Variants in CHRD observed in about 807,000 individuals in gnomAD.
The protein encoded by CHRD is chordin.
Under a neutral mutation model 113.7 loss-of-function variants are expected in CHRD, and 69 were observed. The observed-to-expected ratio is 0.61, with a 90% CI of 0.50 to 0.74. The LOEUF (loss-of-function observed/expected upper bound fraction) is 0.74. CHRD is among the 30% of genes least tolerant of loss of function. The pLI is 0.00. For synonymous variants in CHRD, 561 were observed against 540.8 expected (o/e 1.04, Z -0.52); for missense variants, 1,194 against 1,295.8 (o/e 0.92, Z 1.21).
At position 184,386,956 on chromosome 3, in the gene CHRD, G is replaced by A. The variant is rs764352658; in HGVS notation, c.2290+18G>A. The stretch of plus-strand genomic sequence containing the variant: ...TTGCCCTGGTGAGTTCCCCGCAGGG[G>A]AGTGGAGGGAGGAGTTGGCCCAGTG... On this transcript the variant is annotated intron_variant, in intron 17 of 22. Coordinates refer to ENST00000204604, the Ensembl canonical transcript of CHRD. 4.5e-5 allele frequency: 73 copies of A among 1,614,108 alleles called. No individual in the cohort carries two copies. Among genetic ancestry groups the A allele is most frequent in the Non-Finnish European group, 6.1e-5 (72 of 1,180,034 alleles).
chr3:184,390,472 T>TG (rs1292405304), downstream of CHRD: 2 of 152,014 alleles, frequency 1.3e-5, no homozygotes, highest in African/African-American at 4.8e-5. Flanking sequence ...ACTCGTGTTC[T>TG]GGACCAGTTC....
At chr3:184,386,552 G>T in exon 16 of CHRD, 1 of 1,544,596 alleles carries the variant, frequency 6.5e-7, no homozygotes, top group Non-Finnish European at 8.7e-7. Context: ...CGGGGCCGAG[G>T]GGGTGCGGGC....
At chr3:184,386,664 C>T (rs1716352255) in exon 16 of CHRD, 3 of 1,612,010 alleles carry the variant, frequency 1.9e-6, no homozygotes, top group African/African-American at 1.3e-5. Flanking sequence ...CCCCGAGACC[C>T]CAACACATGC....
Position 184,387,132 on chromosome 3 carries a change from G to A in CHRD, c.2347+25G>A. The A allele has an allele frequency of 6.2e-7, 1 of 1,608,972 alleles. No homozygotes were observed. On this transcript the variant is annotated intron_variant, in intron 18 of 22. Transcript: ENST00000204604. The surrounding 1 kb of genome is among the most constrained non-coding windows in gnomAD (Gnocchi z 6.1). ...GGTGAGCTGGAAGGGTGCGTGCAGGGTGGGAGGCCCCAGAGGAGCCATTAG... is the reference window on the plus strand; with the variant it reads ...GGTGAGCTGGAAGGGTGCGTGCAGGATGGGAGGCCCCAGAGGAGCCATTAG...
In CHRD at chr3:184,381,308, C is replaced by T. The variant is rs775144152; in HGVS notation, c.326C>T (p.Pro109Leu). Residue 109 changes from proline (P) to leucine (L), a missense_variant, in exon 3 of 23, where the codon CCG becomes CTG. By Grantham distance (98) the Pro-to-Leu change is moderately conservative (BLOSUM62 -3). Transcript: ENST00000204604. The surrounding 1 kb of genome is among the most constrained non-coding windows in gnomAD (Gnocchi z 4.7). ...AACATCAAACCAGAGTGCCCAACCC[C>T]GGCCTGTGGGCAGCCGCGCCAGCTG... 1.1e-5 allele frequency: 18 copies of T among 1,610,758 alleles called. No homozygotes were observed. In the East Asian group the frequency reaches 4.0e-4, roughly 36 times the overall value.
At chr3:184,382,772 G>C in exon 8 of CHRD, 1 of 1,613,838 alleles carries the variant, frequency 6.2e-7, no homozygotes, top group Non-Finnish European at 8.5e-7. Context: ...CCCAGGAGTG[G>C]GGGTAAGTGG....
chr3:184,382,385 C>T lies in CHRD; in HGVS notation c.700-4C>T. 1 of 1,614,160 alleles carries T rather than the reference C, an allele frequency of 6.2e-7. No individual in the cohort carries two copies. The highest frequency in any genetic ancestry group is 8.5e-7 in the Non-Finnish European group (1 of 1,180,008). On this transcript the variant is annotated splice_polypyrimidine_tract_variant and splice_region_variant and intron_variant, in intron 6 of 22. Transcript: ENST00000204604. ...CGTAGGGCCTTCTTGTCTCTCTGCT[C>T]CAGGTCTGTGGGGTGTGGCGGGCAG...
rs1716562182 is a variant in CHRD, at chr3:184,387,801, T to C, written c.2452-130T>C. 2 of 831,720 alleles carry C rather than the reference T, an allele frequency of 2.4e-6. No homozygotes were observed. Among genetic ancestry groups the C allele is most frequent in the Admixed American group, 2.2e-5 (1 of 45,980 alleles). The allele number at this position is 831,720 out of a possible 1,614,324, so 51.5% of individuals were successfully genotyped here. ...TGATGAGGAGCTGAGTTTAGGTCTA[T>C]AAAGCCAGTCCGGGCCTCTGAGTAA... On this transcript the variant is annotated intron_variant, in intron 19 of 22. Transcript: ENST00000204604. The surrounding 1 kb of genome is among the most constrained non-coding windows in gnomAD (Gnocchi z 6.1).
chr3:184,383,550 G>C, exon 12 of CHRD: 1 of 1,614,132 alleles, frequency 6.2e-7, no homozygotes. Flanking sequence ...AAGCAGTGAG[G>C]TGGTGGCCAT....
chr3:184,386,570 G>A (rs1171735237), exon 16 of CHRD: 1 of 1,564,286 alleles, frequency 6.4e-7, no homozygotes, highest in Non-Finnish European at 8.6e-7. Flanking sequence ...GGCGCTGGGG[G>A]CTCCGGATAC....
Position 184,380,907 on chromosome 3 carries a change from G to T in CHRD, c.252+112G>T. 1 of 859,510 alleles carries T rather than the reference G, an allele frequency of 1.2e-6. No homozygotes were observed. The highest frequency in any genetic ancestry group is 1.5e-5 in the South Asian group (1 of 64,914). 53.2% of individuals were successfully genotyped at this position (859,510 alleles called of 1,614,324 possible). On this transcript the variant is annotated intron_variant, in intron 2 of 22. Coordinates refer to ENST00000204604, the Ensembl canonical transcript of CHRD. This position sits in a 1 kb window ranked among gnomAD's most constrained non-coding sequence, Gnocchi z 6.3. Reference sequence around the variant, plus strand: ...GAAGGAGCCCAGTCGGCAGATGTTGGGGATATTTTTCTGGTGGAGGAAGGG... The same window carrying T: ...GAAGGAGCCCAGTCGGCAGATGTTGTGGATATTTTTCTGGTGGAGGAAGGG...
At position 184,388,928 on chromosome 3, in the gene CHRD, A is replaced by G. The variant is rs1577416335; in HGVS notation, c.2745A>G (p.Ser915=). Residue 915 remains serine, a synonymous_variant, in exon 22 of 23, where the codon TCA becomes TCG. Coordinates refer to ENST00000204604, the Ensembl canonical transcript of CHRD. This position sits in a 1 kb window ranked among gnomAD's most constrained non-coding sequence, Gnocchi z 6.1. ...CTCACTGTGAGCGGGATGACTGTTC[A>G]CTGCCACTGTCCTGTGGCTCGGGGA... The G allele has an allele frequency of 1.9e-6, 3 of 1,613,306 alleles. No individual in the cohort carries two copies. The highest frequency in any genetic ancestry group is 1.1e-5 in the South Asian group (1 of 91,070).
chr3:184,380,284 C>G lies in CHRD; in HGVS notation c.-35C>G. 8.4e-7 allele frequency: 1 copy of G among 1,183,552 alleles called. No individual in the cohort carries two copies. The highest frequency in any genetic ancestry group is 1.1e-6 in the Non-Finnish European group (1 of 941,112). The allele number at this position is 1,183,552 out of a possible 1,614,324, so 73.3% of individuals were successfully genotyped here. The stretch of plus-strand genomic sequence containing the variant: ...TCCCTCCGCCCGCTCCCGCGCCCTC[C>G]TCCCTCCCTCCTCCCCAGCTGTCCC... On this transcript the variant is annotated 5_prime_UTR_variant, in exon 1 of 23. Transcript: ENST00000204604. This position sits in a 1 kb window ranked among gnomAD's most constrained non-coding sequence, Gnocchi z 6.3.
rs3833587 is a variant in CHRD at position 184,383,173 on chromosome 3, G to GT, written c.1213+10_1213+11insT. 622,142 of 1,592,872 alleles carry GT rather than the reference G, an allele frequency of 0.39. 124,574 individuals are homozygous for GT. Among genetic ancestry groups the GT allele is most frequent in the Middle Eastern group, 0.46 (2,086 of 4,566 alleles). ...AGGAAGAGCTGCGACGGTGAGGCGG[G>GT]GGGGGGGCCTGGTGCGCCGGGCATG... On this transcript the variant is annotated intron_variant, in intron 10 of 22. Coordinates refer to ENST00000204604, the Ensembl canonical transcript of CHRD.
In CHRD at chr3:184,382,849, C is replaced by T. The variant is rs1237636742; in HGVS notation, c.983-7C>T. On this transcript the variant is annotated splice_polypyrimidine_tract_variant and splice_region_variant and intron_variant, in intron 8 of 22. Coordinates refer to ENST00000204604, the Ensembl canonical transcript of CHRD. ...TCTCAGAAAGGCCCACATGTGCGGC[C>T]TTGCAGGACTAACCCAGGTTCCCTT... 1 of 1,612,612 alleles carries T rather than the reference C, an allele frequency of 6.2e-7. No individual in the cohort carries two copies. The highest frequency in any genetic ancestry group is 1.7e-5 in the Admixed American group (1 of 59,938).
chr3:184,388,584 C>T lies in CHRD; in HGVS notation c.2555-3C>T. 6.2e-7 allele frequency: 1 copy of T among 1,608,524 alleles called. No homozygotes were observed. Among genetic ancestry groups the T allele is most frequent in the Non-Finnish European group, 8.5e-7 (1 of 1,179,602 alleles). ...CTGATCCTTTCTCTTTCCCTCTCAA[C>T]AGTGGGGTCGGGGGCCCACCCCCAG... On this transcript the variant is annotated splice_region_variant and splice_polypyrimidine_tract_variant and intron_variant, in intron 20 of 22. Coordinates refer to ENST00000204604, the Ensembl canonical transcript of CHRD. This position sits in a 1 kb window ranked among gnomAD's most constrained non-coding sequence, Gnocchi z 6.1.
At position 184,384,697 on chromosome 3, in the gene CHRD, A is replaced by C. The variant is rs1716010006; in HGVS notation, c.1597+4A>C. On this transcript the variant is annotated splice_donor_region_variant and intron_variant, in intron 13 of 22. Transcript: ENST00000204604. The surrounding 1 kb of genome is among the most constrained non-coding windows in gnomAD (Gnocchi z 4.4). ...GGGCATAGCGCCCGCCATGACAGTG[A>C]GTGTCCTTAGGGGTCTGTCTGCCCT... The C allele has an allele frequency of 1.3e-6, 2 of 1,553,596 alleles. No individual in the cohort carries two copies. Among genetic ancestry groups the C allele is most frequent in the Admixed American group, 4.0e-5 (2 of 49,896 alleles).
chr3:184,387,873 T>TG lies in CHRD; in HGVS notation c.2452-55dup. The TG allele has an allele frequency of 7.0e-7, 1 of 1,423,610 alleles. No homozygotes were observed. Among genetic ancestry groups the TG allele is most frequent in the Admixed American group, 1.9e-5 (1 of 51,864 alleles). The allele number at this position is 1,423,610 out of a possible 1,614,324, so 88.2% of individuals were successfully genotyped here. On this transcript the variant is annotated intron_variant, in intron 19 of 22. Coordinates refer to ENST00000204604, the Ensembl canonical transcript of CHRD. This position sits in a 1 kb window ranked among gnomAD's most constrained non-coding sequence, Gnocchi z 6.1. ...TTGAGGTGTGGAATAGGAGAGGGAG[T>TG]GGGCAGGAGGCTTATGTGCCCCCTG... is the stretch of plus-strand genomic sequence containing the variant.
At position 184,383,755 on chromosome 3, in the gene CHRD, T is replaced by G. The variant is rs543732529; in HGVS notation, c.1440+113T>G. ...TCCACTCACTCATGGGTTCTCCCAC[T>G]CATTCATTTATTCATTTGACTTTTT... On this transcript the variant is annotated intron_variant, in intron 12 of 22. Coordinates refer to ENST00000204604, the Ensembl canonical transcript of CHRD. 3.8e-5 allele frequency: 34 copies of G among 884,470 alleles called. No homozygotes were observed. The East Asian group carries it at 7.9e-4, about 21-fold the overall frequency. The allele number at this position is 884,470 out of a possible 1,614,324, so 54.8% of individuals were successfully genotyped here.
Sources: allele counts gnomAD v4.1 joint callset, GRCh38; gene constraint gnomAD v4.1.1; non-coding constraint Gnocchi (gnomAD v3.1); transcripts MANE v1.5; gene names NCBI Gene and HGNC (gene_info 2026-07-23, HGNC 2026-07-21).